GON4L: variants seen among roughly 807,000 people sequenced by gnomAD.
The protein encoded by GON4L is GON-4-like protein.
A neutral mutation model predicts 211.8 loss-of-function variants in GON4L; 87 were observed. That is an observed-to-expected ratio of 0.41 (90% CI 0.35 to 0.49). The LOEUF is 0.49. GON4L is among the 20% of genes least tolerant of loss of function. The pLI, the probability that GON4L is intolerant of heterozygous loss-of-function variation, is 0.15. For synonymous variants in GON4L, 875 were observed against 962.6 expected (o/e 0.91, Z 1.68); for missense variants, 2,155 against 2,659.5 (o/e 0.81, Z 4.17).
chr1:155,795,456 G>C (rs748448817), intron 11 of GON4L, among the ~76,000 whole-genome samples: 1 of 152,124 alleles, frequency 6.6e-6, no homozygotes, highest in Non-Finnish European at 1.5e-5. Context: ...CAGTGAAGCT[G>C]ACAGTGAAAA....
intron 17 of GON4L, among the ~76,000 whole-genome samples, chr1:155,774,586 C>T (rs1663573672): frequency 6.6e-6 from 1 of 152,032 alleles, no homozygotes; most frequent in Non-Finnish European, 1.5e-5. Context: ...GGATTACAGG[C>T]GTGAGCCACC....
Position 155,821,566 on chromosome 1 carries a change from T to C in GON4L, c.889-18A>G. 1 of 1,498,294 alleles carries C rather than the reference T, an allele frequency of 6.7e-7. No homozygotes were observed. 92.8% of individuals were successfully genotyped at this position (1,498,294 alleles called of 1,614,324 possible). ...ATTACTTCCTGGAGAAAGATGAAAT[T>C]TCACTTTATGCAACAAGGGTTTGTC... On this transcript the variant is annotated intron_variant, in intron 4 of 31. Transcript: ENST00000368331.
At position 155,814,591 on chromosome 1, in the gene GON4L, CAAA is replaced by C. The variant is rs374245080; in HGVS notation, c.1162-145_1162-143del. On this transcript the variant is annotated intron_variant, in intron 8 of 31. Transcript: ENST00000368331. Reference sequence around the variant, plus strand: ...TGAACACCCGTCTCTGCTAAAAATACAAAAATAAGCCAGGCGCGGTGGCGTGCA... The same window carrying C: ...TGAACACCCGTCTCTGCTAAAAATACAATAAGCCAGGCGCGGTGGCGTGCA... 787 of 868,916 alleles carry C rather than the reference CAAA, an allele frequency of 9.1e-4. 3 individuals are homozygous for C. In the African/African-American group the frequency reaches 0.011, roughly 13 times the overall value. 53.8% of individuals were successfully genotyped at this position (868,916 alleles called of 1,614,324 possible). A position where few individuals can be genotyped will look rare whatever the true frequency, so the allele number is the denominator to read the frequency against.
intron 2 of GON4L, among the ~76,000 whole-genome samples, chr1:155,835,413 T>C (rs1458526817): frequency 2.6e-5 from 4 of 151,238 alleles, no homozygotes; most frequent in East Asian, 1.9e-4. Flanking sequence ...ACTATTGTCC[T>C]ATGACCCTGC....
At position 155,754,955 on chromosome 1, in the gene GON4L, A is replaced by G. The variant is rs898955620; in HGVS notation, c.5518-467T>C. ...AAGGTCTGGCTCTGTCACCCAGGCT[A>G]GAGTGCAGTGTCACATTCATGGCTC... is the stretch of plus-strand genomic sequence containing the variant. On this transcript the variant is annotated intron_variant, in intron 27 of 31. Coordinates refer to ENST00000368331, the MANE Select transcript of GON4L (RefSeq NM_001282860.2). 5.8e-5 allele frequency among the ~76,000 whole-genome samples: 8 copies of G among 137,062 alleles called. 1 individual carries two copies. Among genetic ancestry groups the G allele is most frequent in the African/African-American group, 2.2e-4 (8 of 35,898 alleles). 89.9% of individuals were successfully genotyped at this position (137,062 alleles called of 152,430 possible). A position where few individuals can be genotyped will look rare whatever the true frequency, so the allele number is the denominator to read the frequency against.
chr1:155,850,149 CA>C (rs1394492140), intron 2 of GON4L, among the ~76,000 whole-genome samples: 1 of 151,992 alleles, frequency 6.6e-6, no homozygotes, highest in East Asian at 1.9e-4. Context: ...ATAAGAATTT[CA>C]AAGTAATAAA....
intron 8 of GON4L, among the ~76,000 whole-genome samples, chr1:155,814,677 T>C (rs191724742): frequency 1.2e-4 from 18 of 151,498 alleles, no homozygotes; most frequent in Non-Finnish European, 2.4e-4. Flanking sequence ...ATCCAGGAGA[T>C]GGAGGTTGCA....
rs751007437 is a variant in GON4L, at chr1:155,795,020, G to A, written c.1747+30C>T. 1.2e-5 allele frequency: 14 copies of A among 1,212,742 alleles called. No homozygotes were observed. The South Asian group carries it at 1.7e-4, about 15-fold the overall frequency. The allele number at this position is 1,212,742 out of a possible 1,614,324, so 75.1% of individuals were successfully genotyped here. On this transcript the variant is annotated intron_variant, in intron 12 of 31. Coordinates refer to ENST00000368331, the MANE Select transcript of GON4L (RefSeq NM_001282860.2). ...ACAAAGACAGCTGCAAAGCAGTCAA[G>A]AGCAGGACTTAGAATAAACACAGAC...
At chr1:155,811,734 A>G (rs1418884144) in intron 10 of GON4L, among the ~76,000 whole-genome samples, 1 of 91,800 alleles carries the variant, frequency 1.1e-5, no homozygotes, top group Admixed American at 1.4e-4. Context: ...CCAGCCTGGG[A>G]GACAGGCAAG....
chr1:155,850,657 A>G (rs1671686129), intron 2 of GON4L, among the ~76,000 whole-genome samples: 2 of 152,308 alleles, frequency 1.3e-5, no homozygotes, highest in South Asian at 4.1e-4. Context: ...AACACACACA[A>G]GACACAATAA....
chr1:155,759,977 A>ATG (rs1005933895), intron 24 of GON4L, among the ~76,000 whole-genome samples: 1 of 146,656 alleles, frequency 6.8e-6, no homozygotes, highest in Non-Finnish European at 1.5e-5. Flanking sequence ...ATATATATAT[A>ATG]TATATGATAT....
intron 10 of GON4L, among the ~76,000 whole-genome samples, chr1:155,808,906 C>T (rs116402283): frequency 0.023 from 3,537 of 152,100 alleles, 132 homozygotes; most frequent in African/African-American, 0.081. Flanking sequence ...GCCACCAAAC[C>T]GGACCCTGTT....
At chr1:155,794,786 C>T (rs568016088) in intron 12 of GON4L, among the ~76,000 whole-genome samples, 1 of 152,274 alleles carries the variant, frequency 6.6e-6, no homozygotes, top group African/African-American at 2.4e-5. Context: ...ACTCCTACAG[C>T]ACAGATGCCA....
downstream of GON4L, chr1:155,746,094 C>T (rs769722194): frequency 3.5e-6 from 3 of 845,136 alleles, no homozygotes; most frequent in South Asian, 3.3e-5. Flanking sequence ...GGACGCTGCA[C>T]GGCCAGGAGA....
At chr1:155,800,192 T>C (rs957527850) in intron 11 of GON4L, among the ~76,000 whole-genome samples, 1 of 149,540 alleles carries the variant, frequency 6.7e-6, no homozygotes, top group Admixed American at 6.7e-5. Context: ...AGAGCAAAAC[T>C]CCATCTCAAA....
chr1:155,842,766 G>A (rs1481475103), intron 2 of GON4L, among the ~76,000 whole-genome samples: 1 of 151,938 alleles, frequency 6.6e-6, no homozygotes, highest in Non-Finnish European at 1.5e-5. Context: ...GAACCCGGGA[G>A]GCGGAGGTTG....
At chr1:155,807,069 A>C (rs1043965866) in intron 10 of GON4L, among the ~76,000 whole-genome samples, 1 of 148,950 alleles carries the variant, frequency 6.7e-6, no homozygotes, top group Non-Finnish European at 1.5e-5. Flanking sequence ...ATTGTACTCC[A>C]ACCTAAGCAA....
At chr1:155,761,123 A>G (rs1661743344) in intron 23 of GON4L, among the ~76,000 whole-genome samples, 1 of 151,544 alleles carries the variant, frequency 6.6e-6, no homozygotes, top group African/African-American at 2.4e-5. Flanking sequence ...GGTTACCAAG[A>G]GAAGGACACA....
At chr1:155,780,413 G>A (rs886797203) in intron 14 of GON4L, among the ~76,000 whole-genome samples, 7 of 151,904 alleles carry the variant, frequency 4.6e-5, no homozygotes, top group East Asian at 3.9e-4. Flanking sequence ...CTAACATGGC[G>A]AAACCCTGTC....
Sources: gnomAD v4.1 joint callset for allele counts (sites outside exome capture counted in the v4.1 genomes callset) on GRCh38, gnomAD v4.1.1 for gene constraint, MANE v1.5 for transcripts, NCBI Gene and HGNC (gene_info 2026-07-23, HGNC 2026-07-21) for gene names.